Variants in EPB41L4B observed in about 807,000 individuals in gnomAD.
EPB41L4B encodes the protein band 4.1-like protein 4B.
EPB41L4B carries 30 observed loss-of-function variants against 112.5 expected under a neutral mutation model. The observed-to-expected ratio is 0.27, with a 90% CI of 0.20 to 0.36. The LOEUF is 0.36. Ranked by LOEUF, EPB41L4B falls within the 10% of genes least tolerant of loss-of-function variation. EPB41L4B has a pLI of 1.00. For missense variants in EPB41L4B, 1,024 were observed against 1,133.3 expected (o/e 0.90, Z 1.38); for synonymous variants, 408 against 439.7 (o/e 0.93, Z 0.90).
At chr9:109,237,989 T>C (rs552370556) in intron 15 of EPB41L4B, among the ~76,000 whole-genome samples, 9 of 151,936 alleles carry the variant, frequency 5.9e-5, no homozygotes, top group African/African-American at 1.7e-4. Flanking sequence ...CTCATGGAGA[T>C]ATGGATCCCC....
At chr9:109,247,689 CCTT>C (rs1204084766) in intron 14 of EPB41L4B, 64 bp downstream of exon 14, 1 of 1,161,724 alleles carries the variant, frequency 8.6e-7, no homozygotes, top group African/African-American at 1.6e-5. Context: ...TTTACAAAAA[CCTT>C]TTTTTAAATT....
rs142317074 is a variant in EPB41L4B, at chr9:109,304,494, T to C, written c.306+15647A>G. 2.7e-3 allele frequency among the ~76,000 whole-genome samples: 409 copies of C among 152,344 alleles called. 2 individuals carry two copies. Among genetic ancestry groups the C allele is most frequent in the African/African-American group, 9.5e-3 (393 of 41,584 alleles). ...GGAGCCGTATCATATGTTGTTCTTA[T>C]ACCATAGATGAATTCTTCCTTGATG... On this transcript the variant is annotated intron_variant, in intron 1 of 25. Coordinates refer to ENST00000374566, the MANE Select transcript of EPB41L4B (RefSeq NM_019114.5).
intron 15 of EPB41L4B, chr9:109,239,744 G>A (rs1834287108): frequency 3.5e-6 from 3 of 847,170 alleles, no homozygotes; most frequent in Non-Finnish European, 4.3e-6. Context: ...AAGCAGAGAG[G>A]TATTTATTAG....
At chr9:109,268,648 C>T (rs557250116) in intron 2 of EPB41L4B, among the ~76,000 whole-genome samples, 69 of 152,196 alleles carry the variant, frequency 4.5e-4, no homozygotes, top group African/African-American at 1.6e-3. Context: ...CCTGTAATCC[C>T]AGCACTTTGG....
rs747072557 is a variant in EPB41L4B at position 109,258,304 on chromosome 9, G to A, written c.632-7C>T. 4.3e-6 allele frequency: 7 copies of A among 1,609,762 alleles called. No homozygotes were observed. Among genetic ancestry groups the A allele is most frequent in the Non-Finnish European group, 4.2e-6 (5 of 1,177,206 alleles). The stretch of plus-strand genomic sequence containing the variant: ...TCGCACTCCCCAAGCTCCGCTGTAA[G>A]TTTCATAAAAGGGAGGAAAATAGGA... On this transcript the variant is annotated splice_region_variant and splice_polypyrimidine_tract_variant and intron_variant, in intron 6 of 25. Transcript: ENST00000374566.
chr9:109,241,093 A>G (rs1281765797), intron 15 of EPB41L4B: 1 of 985,506 alleles, frequency 1.0e-6, no homozygotes, highest in Non-Finnish European at 1.2e-6. Flanking sequence ...TTTCCTTGTG[A>G]TAAAATTAGT....
intron 1 of EPB41L4B, among the ~76,000 whole-genome samples, chr9:109,305,787 G>A (rs111521726): frequency 1.7e-3 from 254 of 152,234 alleles, no homozygotes; most frequent in Non-Finnish European, 3.2e-3. Flanking sequence ...GCTGGGCATG[G>A]TGACCCAGTG....
At chr9:109,309,051 G>A (rs1837321428) in intron 1 of EPB41L4B, among the ~76,000 whole-genome samples, 1 of 152,028 alleles carries the variant, frequency 6.6e-6, no homozygotes, top group Non-Finnish European at 1.5e-5. Context: ...CTCCAGCCTA[G>A]GTGACGAAGC....
At chr9:109,258,153 T>C in intron 7 of EPB41L4B, 24 bp downstream of exon 7, 1 of 1,606,150 alleles carries the variant, frequency 6.2e-7, no homozygotes, top group Non-Finnish European at 8.5e-7. Flanking sequence ...TACATCAGAA[T>C]GCTAGACGGT....
intron 17 of EPB41L4B, among the ~76,000 whole-genome samples, chr9:109,213,155 GTTGAACTAAATGGCAGACTGAA>G (rs1402116441): frequency 6.6e-6 from 1 of 152,210 alleles, no homozygotes; most frequent in Admixed American, 6.5e-5. Flanking sequence ...CATTGAGAAG[GTTGAACTAAATGGCAGACTGAA>G]TCCAGCAGTG....
chr9:109,302,013 C>A (rs1836987644), intron 1 of EPB41L4B, among the ~76,000 whole-genome samples: 1 of 152,188 alleles, frequency 6.6e-6, no homozygotes, highest in African/African-American at 2.4e-5. Flanking sequence ...AGTTCCTGCA[C>A]CTAAAGTGCA....
Position 109,172,053 on chromosome 9 carries a change from A to C in EPB41L4B, c.*2501T>G, listed in dbSNP as rs1377244721. 6.6e-6 allele frequency: 1 copy of C among 152,146 alleles called. No individual in the cohort carries two copies. The highest frequency in any genetic ancestry group is 1.5e-5 in the Non-Finnish European group (1 of 68,032). 9.4% of individuals were successfully genotyped at this position (152,146 alleles called of 1,614,324 possible). A position where few individuals can be genotyped will look rare whatever the true frequency, so the allele number is the denominator to read the frequency against. Reference sequence around the variant, plus strand: ...TGGGTTTCAAATACAGTAACAGCCAACTTGTTTGTGGTCAGACTTCCAGTG... The same window carrying C: ...TGGGTTTCAAATACAGTAACAGCCACCTTGTTTGTGGTCAGACTTCCAGTG... On this transcript the variant is annotated 3_prime_UTR_variant, in exon 26 of 26. Coordinates refer to ENST00000374566, the MANE Select transcript of EPB41L4B (RefSeq NM_019114.5).
chr9:109,260,351 T>C (rs1330199891), intron 6 of EPB41L4B, among the ~76,000 whole-genome samples: 2 of 151,560 alleles, frequency 1.3e-5, no homozygotes, highest in Admixed American at 1.3e-4. Flanking sequence ...ATTACAGGCA[T>C]GAGCCACCAT....
At chr9:109,292,283 A>G (rs1836563794) in intron 1 of EPB41L4B, among the ~76,000 whole-genome samples, 1 of 152,182 alleles carries the variant, frequency 6.6e-6, no homozygotes, top group Non-Finnish European at 1.5e-5. Flanking sequence ...ACTTGGTTTC[A>G]CCCATCACTT....
intron 2 of EPB41L4B, among the ~76,000 whole-genome samples, chr9:109,274,840 T>C (rs1835752926): frequency 6.6e-6 from 1 of 152,236 alleles, no homozygotes; most frequent in Non-Finnish European, 1.5e-5. Flanking sequence ...GCCTACTTTA[T>C]AGATCAGTGA....
chr9:109,238,392 C>T (rs541771700), intron 15 of EPB41L4B, among the ~76,000 whole-genome samples: 1 of 152,284 alleles, frequency 6.6e-6, no homozygotes, highest in Non-Finnish European at 1.5e-5. Flanking sequence ...ATGATGCCCC[C>T]ATACTGGATA....
chr9:109,278,916 G>C (rs1835934336), intron 2 of EPB41L4B, among the ~76,000 whole-genome samples: 1 of 152,174 alleles, frequency 6.6e-6, no homozygotes, highest in Non-Finnish European at 1.5e-5. Context: ...GCTTTGTGGA[G>C]TTCACTCATT....
chr9:109,258,025 G>A (rs1055148671), intron 7 of EPB41L4B, 152 bp downstream of exon 7: 1 of 845,490 alleles, frequency 1.2e-6, no homozygotes, highest in East Asian at 2.6e-5. Flanking sequence ...TGGGCCTTTG[G>A]AAAAACAGGA....
intron 2 of EPB41L4B, among the ~76,000 whole-genome samples, chr9:109,275,055 TG>T (rs1255391491): frequency 6.6e-6 from 1 of 152,108 alleles, no homozygotes; most frequent in Non-Finnish European, 1.5e-5. Flanking sequence ...ATCTGCAGAG[TG>T]GGTTCCTGGA....
Sources: gnomAD v4.1 joint callset for allele counts (sites outside exome capture counted in the v4.1 genomes callset) on GRCh38, gnomAD v4.1.1 for gene constraint, MANE v1.5 for transcripts, NCBI Gene and HGNC (gene_info 2026-07-23, HGNC 2026-07-21) for gene names.